The following DNAAF4 variants were observed in gnomAD, a reference collection of about 807,000 sequenced individuals.
DNAAF4 encodes dynein axonemal assembly factor 4.
A neutral mutation model predicts 51.8 loss-of-function variants in DNAAF4; 43 were observed. That is an observed-to-expected ratio of 0.83 (90% confidence interval 0.65 to 1.07). The LOEUF is 1.07. Ranked by LOEUF, DNAAF4 falls within the 50% of genes least tolerant of loss-of-function variation. DNAAF4 has a pLI of 0.00. For synonymous variants in DNAAF4, 194 were observed against 165.6 expected (o/e 1.17, Z -1.32); for missense variants, 581 against 493.0 (o/e 1.18, Z -1.69).
intron 5 of DNAAF4, among the ~76,000 whole-genome samples, chr15:55,452,460 A>G (rs2057951066): frequency 6.6e-6 from 1 of 152,014 alleles, no homozygotes; most frequent in Non-Finnish European, 1.5e-5. Context: ...GTGTTTATAA[A>G]AAATATTACA....
Position 55,432,491 on chromosome 15 carries a change from CCTTA to C in DNAAF4, c.1153+2_1153+5del, listed in dbSNP as rs1566999321. The C allele has an allele frequency of 1.2e-6, 2 of 1,606,242 alleles. No homozygotes were observed. The highest frequency in any genetic ancestry group is 1.7e-6 in the Non-Finnish European group (2 of 1,175,274). On this transcript the variant is annotated splice_donor_variant and splice_donor_5th_base_variant and intron_variant, in intron 9 of 9. Transcript: ENST00000321149. LOFTEE classifies it high-confidence loss of function. ...GGGACTTAAACCATTTCTATCAATT[CCTTA>C]CCTTCTACATACAATTCTAGTTGAC...
At position 55,497,741 on chromosome 15, in the gene DNAAF4, G is replaced by A. The variant is rs953039750; in HGVS notation, c.242C>T (p.Ala81Val). 9.9e-6 allele frequency: 16 copies of A among 1,612,452 alleles called. No homozygotes were observed. The African/African-American group carries it at 1.6e-4, about 16-fold the overall frequency. Reference sequence around the variant, plus strand: ...CGTCACAGAAAGGGTCTCCCACATGGCCGCTTCTTTTTTATACAAGGTGAA... The same window carrying A: ...CGTCACAGAAAGGGTCTCCCACATGACCGCTTCTTTTTTATACAAGGTGAA... ...IVFTLYKKEA[A>V]MWETLSVTGV... The change falls in exon 3 of 10, where the codon GCC becomes GTC. Residue 81 changes from alanine (A) to valine (V), a missense_variant. Physicochemically the swap from Ala to Val is moderately conservative, Grantham distance 64 (BLOSUM62 0). Coordinates refer to ENST00000321149, the MANE Select transcript of DNAAF4 (RefSeq NM_130810.4).
intron 1 of DNAAF4, among the ~76,000 whole-genome samples, chr15:55,501,392 T>C (rs913103895): frequency 1.4e-5 from 2 of 147,552 alleles, no homozygotes; most frequent in African/African-American, 5.0e-5. Flanking sequence ...TTTTTTTTTT[T>C]TGAGGCGGAG....
At chr15:55,479,332 T>C (rs2058377391) in intron 4 of DNAAF4, among the ~76,000 whole-genome samples, 1 of 152,052 alleles carries the variant, frequency 6.6e-6, no homozygotes, top group South Asian at 2.1e-4. Context: ...CATTTTAATA[T>C]GGACATTTAT....
chr15:55,418,902 T>C (rs917616315), intron 7 of DNAAF4: 6 of 170,760 alleles, frequency 3.5e-5, no homozygotes, highest in African/African-American at 1.4e-4. Context: ...TTAAGGAAGC[T>C]TCTGACCAAC....
intron 4 of DNAAF4, among the ~76,000 whole-genome samples, chr15:55,471,822 T>TA (rs1281539459): frequency 6.7e-6 from 1 of 148,504 alleles, no homozygotes; most frequent in Non-Finnish European, 1.5e-5. Flanking sequence ...CAACAATTCT[T>TA]AAAGATATTT....
chr15:55,473,885 G>C (rs573240723), intron 4 of DNAAF4, among the ~76,000 whole-genome samples: 1 of 151,988 alleles, frequency 6.6e-6, no homozygotes, highest in African/African-American at 2.4e-5. Context: ...CCAGCTACTC[G>C]GGAAGCTGAG....
At position 55,467,879 on chromosome 15, in the gene DNAAF4, A is replaced by G. The variant is rs554818969; in HGVS notation, c.406-718T>C. ...TTTCTGCCTTTCAAACTTCCCTCAC[A>G]TGGGCAAGAAAAAAAACCTTGTGAA... On this transcript the variant is annotated intron_variant, in intron 4 of 9. Coordinates refer to ENST00000321149, the MANE Select transcript of DNAAF4 (RefSeq NM_130810.4). Among the ~76,000 whole-genome samples, 6 of 152,028 alleles carry G rather than the reference A, an allele frequency of 3.9e-5. No individual in the cohort carries two copies. The East Asian group carries it at 7.8e-4, about 20-fold the overall frequency.
At chr15:55,442,571 T>C in intron 6 of DNAAF4, 1 of 1,091,268 alleles carries the variant, frequency 9.2e-7, no homozygotes, top group African/African-American at 1.5e-5. Flanking sequence ...GAGCAGAGTA[T>C]TCGGGGGACA....
In DNAAF4 at chr15:55,418,096, G is replaced by A. The variant is rs143611182; in HGVS notation, c.1085C>T (p.Ser362Phe). The change falls in exon 8 of 8, where the codon TCT becomes TTT. Residue 362 changes from serine to phenylalanine, a missense_variant. Transcript: ENST00000448430. Reference sequence around the variant, plus strand: ...GATATGATGGCTTAGCTTGGGCTCAGAGGCCTGACATTCAATGCCCTCAAG... The same window carrying A: ...GATATGATGGCTTAGCTTGGGCTCAAAGGCCTGACATTCAATGCCCTCAAG... The A allele has an allele frequency of 6.1e-5, 96 of 1,584,382 alleles. No homozygotes were observed. The African/African-American group carries it at 1.2e-3, about 21-fold the overall frequency.
chr15:55,463,804 T>C (rs895406087), intron 5 of DNAAF4, among the ~76,000 whole-genome samples: 1 of 152,156 alleles, frequency 6.6e-6, no homozygotes, highest in African/African-American at 2.4e-5. Flanking sequence ...AAAGAAATCA[T>C]AGATGACACA....
chr15:55,418,578 T>G, intron 7 of DNAAF4: 1 of 1,401,506 alleles, frequency 7.1e-7, no homozygotes, highest in Non-Finnish European at 9.5e-7. Flanking sequence ...TGAAAATATA[T>G]TCCTTTGTAT....
chr15:55,469,097 G>A (rs2058211096), intron 4 of DNAAF4, among the ~76,000 whole-genome samples: 1 of 152,102 alleles, frequency 6.6e-6, no homozygotes, highest in Non-Finnish European at 1.5e-5. Context: ...TTGGGAGGCT[G>A]AGGCAGGTGG....
intron 7 of DNAAF4, among the ~76,000 whole-genome samples, chr15:55,420,267 A>G (rs2057377406): frequency 6.6e-6 from 1 of 152,174 alleles, no homozygotes; most frequent in South Asian, 2.1e-4. Flanking sequence ...AATGCAATTA[A>G]TTTTATATAT....
intron 5 of DNAAF4, among the ~76,000 whole-genome samples, chr15:55,450,975 T>C (rs2057923489): frequency 6.6e-6 from 1 of 152,126 alleles, no homozygotes; most frequent in Non-Finnish European, 1.5e-5. Flanking sequence ...CACATACCTA[T>C]AATCCCAGCT....
chr15:55,489,313 AG>A (rs893806497), intron 4 of DNAAF4, among the ~76,000 whole-genome samples: 2 of 151,804 alleles, frequency 1.3e-5, no homozygotes, highest in African/African-American at 4.9e-5. Context: ...AATAAAGAAA[AG>A]ATGGAATTAA....
chr15:55,458,737 C>T (rs537457377), intron 5 of DNAAF4, among the ~76,000 whole-genome samples: 42 of 152,262 alleles, frequency 2.8e-4, no homozygotes, highest in Middle Eastern at 3.4e-3. Context: ...GGCACATAGT[C>T]ATCACATTGT....
Position 55,498,410 on chromosome 15 carries a change from C to A in DNAAF4, c.-81G>T. ...TGCTAGGGAAGCTGGGGTTACCATG[C>A]GCCAGCCCTTCCGGGTCAGGCCGGC... On this transcript the variant is annotated 5_prime_UTR_variant, in exon 2 of 10. Transcript: ENST00000321149. 3.9e-6 allele frequency: 6 copies of A among 1,534,690 alleles called. No homozygotes were observed. Among genetic ancestry groups the A allele is most frequent in the Middle Eastern group, 2.4e-4 (1 of 4,182 alleles).
intron 8 of DNAAF4, among the ~76,000 whole-genome samples, chr15:55,433,559 G>C (rs945660726): frequency 6.9e-5 from 10 of 145,712 alleles, no homozygotes; most frequent in Non-Finnish European, 1.2e-4. Context: ...CGGGGAGGCG[G>C]AGCTTGCAGT....
Sources: allele counts gnomAD v4.1 joint callset (sites outside exome capture counted in the v4.1 genomes callset), GRCh38; gene constraint gnomAD v4.1.1; transcripts MANE v1.5; gene names NCBI Gene and HGNC (gene_info 2026-07-23, HGNC 2026-07-21).